The following DNMBP variants were observed in gnomAD, a reference collection of about 807,000 sequenced individuals.
The protein encoded by DNMBP is dynamin binding protein, also known as dynamin-binding protein.
In DNMBP, 87 loss-of-function variants were observed where a neutral mutation model predicts 150.0. The observed-to-expected ratio is 0.58, with a 90% CI of 0.49 to 0.69. The LOEUF is 0.69. Among genes scored for constraint, DNMBP ranks in the 30% least tolerant of loss-of-function variants. The pLI, the probability that DNMBP is intolerant of heterozygous loss-of-function variation, is 0.00. For missense variants in DNMBP, 1,774 were observed against 1,949.0 expected, an observed-to-expected ratio of 0.91 and a Z score of 1.69; for synonymous variants, 711 against 750.4, an observed-to-expected ratio of 0.95 and a Z score of 0.86.
In DNMBP at chr10:99,970,971, CAAAAA is replaced by C. The variant is rs532226561; in HGVS notation, c.145+1004_145+1008del. 1.4e-3 allele frequency among the ~76,000 whole-genome samples: 46 copies of C among 33,192 alleles called. 2 individuals carry two copies. The highest frequency in any genetic ancestry group is 0.042 in the Middle Eastern group (2 of 48). 21.8% of individuals were successfully genotyped at this position (33,192 alleles called of 152,430 possible). A position where few individuals can be genotyped will look rare whatever the true frequency, so the allele number is the denominator to read the frequency against. On this transcript the variant is annotated intron_variant, in intron 2 of 16. Coordinates refer to ENST00000324109, the MANE Select transcript of DNMBP (RefSeq NM_015221.4). ...TGGGCAACAGAGCAAGACTCCGTCT[CAAAAA>C]AAAAAAAAAAAAAAAAAAAAAAGGA...
chr10:99,900,895 A>G (rs2039729040), intron 6 of DNMBP, among the ~76,000 whole-genome samples: 2 of 152,172 alleles, frequency 1.3e-5, no homozygotes, highest in South Asian at 4.1e-4. Flanking sequence ...ACATTAAAAT[A>G]CCTATAATGA....
At chr10:99,972,986 T>G (rs1475128399) in intron 1 of DNMBP, among the ~76,000 whole-genome samples, 1 of 152,184 alleles carries the variant, frequency 6.6e-6, no homozygotes, top group Non-Finnish European at 1.5e-5. Context: ...TTTGCCACAT[T>G]GGCCAGGCTC....
intron 4 of DNMBP, among the ~76,000 whole-genome samples, chr10:99,954,659 G>C (rs1250724796): frequency 6.7e-6 from 1 of 148,800 alleles, no homozygotes; most frequent in Non-Finnish European, 1.5e-5. Flanking sequence ...CAGGAGAATC[G>C]CTTGAACCTG....
intron 4 of DNMBP, among the ~76,000 whole-genome samples, chr10:99,945,421 T>G (rs2040345774): frequency 6.6e-6 from 1 of 152,218 alleles, no homozygotes; most frequent in South Asian, 2.1e-4. Context: ...GCTTTGCTCA[T>G]AGTTGTTGCT....
chr10:99,960,229 T>C (rs181356356), intron 3 of DNMBP, among the ~76,000 whole-genome samples: 1 of 152,338 alleles, frequency 6.6e-6, no homozygotes, highest in East Asian at 1.9e-4. Flanking sequence ...TCAACTGTTT[T>C]ATAACAAACT....
intron 4 of DNMBP, among the ~76,000 whole-genome samples, chr10:99,946,149 G>A (rs561370381): frequency 9.2e-5 from 14 of 152,086 alleles, no homozygotes; most frequent in African/African-American, 2.9e-4. Context: ...GTAGAGACAG[G>A]GTTTCACCAT....
chr10:99,962,775 G>A (rs1258750587), intron 3 of DNMBP, among the ~76,000 whole-genome samples: 3 of 152,142 alleles, frequency 2.0e-5, no homozygotes, highest in South Asian at 2.1e-4. Context: ...GAATAAAAGC[G>A]TGCCATAACT....
intron 4 of DNMBP, among the ~76,000 whole-genome samples, chr10:99,915,404 T>TAAA (rs11464815): frequency 6.9e-6 from 1 of 144,614 alleles, no homozygotes. Flanking sequence ...ACAAAATAAT[T>TAAA]AAAAAAAAAA....
chr10:99,974,291 C>T (rs1436125863), intron 1 of DNMBP, among the ~76,000 whole-genome samples: 2 of 152,154 alleles, frequency 1.3e-5, no homozygotes, highest in Admixed American at 1.3e-4. Context: ...TGTACTGTTA[C>T]GGTGTCTGTG....
chr10:99,999,016 G>A (rs1172100657), intron 1 of DNMBP, among the ~76,000 whole-genome samples: 1 of 152,222 alleles, frequency 6.6e-6, no homozygotes, highest in Non-Finnish European at 1.5e-5. Flanking sequence ...TCCTTTCGGA[G>A]GTGCCACGTG....
intron 1 of DNMBP, among the ~76,000 whole-genome samples, chr10:99,982,305 G>A (rs894822173): frequency 6.6e-6 from 1 of 151,998 alleles, no homozygotes; most frequent in Non-Finnish European, 1.5e-5. Flanking sequence ...TTAGCTGGGC[G>A]TGGTAGTGCA....
At position 99,885,697 on chromosome 10, in the gene DNMBP, A is replaced by G; in HGVS notation, c.3788T>C (p.Leu1263Pro). Reference sequence around the variant, plus strand: ...CAGTTCCCTACTCACCAGGCCCAGGAGTGGCTTTCGAGCAGACTGGCGGTC... The same window carrying G: ...CAGTTCCCTACTCACCAGGCCCAGGGGTGGCTTTCGAGCAGACTGGCGGTC... ...TIDRQSARKPLLGLPSYMLQS... is the reference protein window; with the variant it reads ...TIDRQSARKPPLGLPSYMLQS... The change falls in exon 14 of 17, where the codon CTC becomes CCC. Residue 1263 changes from leucine to proline, a missense_variant. By Grantham distance (98) the Leu-to-Pro change is moderately conservative. Coordinates refer to ENST00000324109, the MANE Select transcript of DNMBP (RefSeq NM_015221.4). 3.2e-6 allele frequency: 5 copies of G among 1,567,272 alleles called. No individual in the cohort carries two copies. Among genetic ancestry groups the G allele is most frequent in the Non-Finnish European group, 4.3e-6 (5 of 1,154,144 alleles).
intron 4 of DNMBP, among the ~76,000 whole-genome samples, chr10:99,941,377 T>C (rs2040298879): frequency 6.6e-6 from 1 of 152,102 alleles, no homozygotes; most frequent in Non-Finnish European, 1.5e-5. Flanking sequence ...GAAGTATTGA[T>C]ATGACCAGAA....
At chr10:99,912,221 C>T (rs564045071) in intron 4 of DNMBP, among the ~76,000 whole-genome samples, 1 of 152,110 alleles carries the variant, frequency 6.6e-6, no homozygotes, top group African/African-American at 2.4e-5. Context: ...CTTAATCCTG[C>T]ACCATTTGGT....
Position 99,877,781 on chromosome 10 carries a change from T to C in DNMBP, c.4549-445A>G, listed in dbSNP as rs538578185. ...CACGAGGCTGAGACAGGAGAATTGCTCCAACCCAGGATGCAGAGGTTGCAG... is the reference window on the plus strand; with the variant it reads ...CACGAGGCTGAGACAGGAGAATTGCCCCAACCCAGGATGCAGAGGTTGCAG... On this transcript the variant is annotated intron_variant, in intron 16 of 16. Transcript: ENST00000324109. 2.6e-5 allele frequency among the ~76,000 whole-genome samples: 4 copies of C among 152,130 alleles called. No homozygotes were observed. In the East Asian group the frequency reaches 7.8e-4, roughly 29 times the overall value.
chr10:99,898,895 A>G (rs2039698512), intron 7 of DNMBP, 135 bp from the exon 8 acceptor site: 1 of 912,216 alleles, frequency 1.1e-6, no homozygotes, highest in Non-Finnish European at 1.7e-6. Flanking sequence ...TTAGTCTACT[A>G]AAAAATGTTA....
At chr10:99,964,655 G>A (rs1021930219) in intron 3 of DNMBP, among the ~76,000 whole-genome samples, 1 of 151,676 alleles carries the variant, frequency 6.6e-6, no homozygotes, top group African/African-American at 2.4e-5. Context: ...CGGATTGCTT[G>A]AAGTCAGGAG....
intron 1 of DNMBP, among the ~76,000 whole-genome samples, chr10:99,978,009 A>C (rs1173026069): frequency 6.6e-6 from 1 of 152,202 alleles, no homozygotes; most frequent in African/African-American, 2.4e-5. Flanking sequence ...CAGACGGTAC[A>C]CTAAGAACAA....
At chr10:99,897,470 T>C (rs2039672236) in intron 9 of DNMBP, among the ~76,000 whole-genome samples, 1 of 152,224 alleles carries the variant, frequency 6.6e-6, no homozygotes, top group Non-Finnish European at 1.5e-5. Flanking sequence ...AGGAGCTCCA[T>C]AAATGAGGTG....
Sources: allele counts gnomAD v4.1 joint callset (sites outside exome capture counted in the v4.1 genomes callset), GRCh38; gene constraint gnomAD v4.1.1; transcripts MANE v1.5; gene names NCBI Gene and HGNC (gene_info 2026-07-23, HGNC 2026-07-21).